The following MARCHF8 variants were observed in gnomAD, a reference collection of about 807,000 sequenced individuals.
The protein encoded by MARCHF8 is membrane associated ring-CH-type finger 8, also known as E3 ubiquitin-protein ligase MARCHF8.
MARCHF8 carries 40 observed loss-of-function variants against 51.6 expected under a neutral mutation model. The ratio of observed to expected loss-of-function variants is 0.77; its 90% CI spans 0.60 to 1.01. The LOEUF (loss-of-function observed/expected upper bound fraction) is 1.01. MARCHF8 is among the 50% of genes least tolerant of loss of function. The probability of loss-of-function intolerance (pLI) is 0.00; values close to 1 mark genes in which losing one functional copy is unlikely to be tolerated. For synonymous variants in MARCHF8, 263 were observed against 280.3 expected (o/e 0.94, Z 0.62); for missense variants, 685 against 708.6 (o/e 0.97, Z 0.38).
chr10:45,562,150 G>A (rs1049662541), intron 1 of MARCHF8, among the ~76,000 whole-genome samples: 6 of 152,168 alleles, frequency 3.9e-5, no homozygotes, highest in Middle Eastern at 3.4e-3. Context: ...GGGACATAAA[G>A]AATAGACTGA....
chr10:45,526,913 A>G (rs1308485577), intron 2 of MARCHF8, among the ~76,000 whole-genome samples: 1 of 152,198 alleles, frequency 6.6e-6, no homozygotes, highest in East Asian at 1.9e-4. Context: ...AACTGAAATC[A>G]TTTCAAGTTG....
rs60776762 is a variant in MARCHF8 at position 45,542,345 on chromosome 10, CAAAAAAAAAAA to C, written c.-78-9067_-78-9057del. 4.7e-3 allele frequency among the ~76,000 whole-genome samples: 231 copies of C among 48,992 alleles called. 3 individuals carry two copies. The highest frequency in any genetic ancestry group is 0.014 in the African/African-American group (190 of 13,868). 32.1% of individuals were successfully genotyped at this position (48,992 alleles called of 152,430 possible). ...CTGGTGACAGAGCAGGACTTCGTCT[CAAAAAAAAAAA>C]AAAAAAAAAAAAAAAGACTTGATTG... On this transcript the variant is annotated intron_variant, in intron 1 of 6. Coordinates refer to the MARCHF8 transcript ENST00000319836.
At chr10:45,465,319 G>A (rs886566997) in intron 3 of MARCHF8, among the ~76,000 whole-genome samples, 14 of 152,184 alleles carry the variant, frequency 9.2e-5, no homozygotes, top group African/African-American at 3.1e-4. Context: ...ACAGTGCCAC[G>A]AGTCTGTTAT....
At chr10:45,568,487 G>A (rs972632293) in intron 1 of MARCHF8, among the ~76,000 whole-genome samples, 13 of 152,184 alleles carry the variant, frequency 8.5e-5, no homozygotes, top group East Asian at 3.9e-4. Context: ...TTGGGAGGCC[G>A]AGACGGGCAG....
chr10:45,468,877 G>GT (rs1843061050), intron 3 of MARCHF8, among the ~76,000 whole-genome samples: 1 of 152,122 alleles, frequency 6.6e-6, no homozygotes, highest in Non-Finnish European at 1.5e-5. Flanking sequence ...TACATTGCTG[G>GT]TGGGAGAGCA....
At chr10:45,511,977 G>C (rs1358700423) in intron 2 of MARCHF8, among the ~76,000 whole-genome samples, 2 of 151,354 alleles carry the variant, frequency 1.3e-5, no homozygotes, top group Admixed American at 6.6e-5. Context: ...GTCTCTGCCC[G>C]GCCGCCATCC....
intron 1 of MARCHF8, among the ~76,000 whole-genome samples, chr10:45,582,542 C>A (rs993575238): frequency 6.6e-6 from 1 of 152,130 alleles, no homozygotes; most frequent in Non-Finnish European, 1.5e-5. Flanking sequence ...CAGAGACCAG[C>A]CAGTTCAAAC....
chr10:45,497,116 G>A (rs892490956), intron 2 of MARCHF8, among the ~76,000 whole-genome samples: 1 of 151,910 alleles, frequency 6.6e-6, no homozygotes, highest in Admixed American at 6.6e-5. Flanking sequence ...TACAGTAAAA[G>A]AAGCAAAAAG....
intron 1 of MARCHF8, among the ~76,000 whole-genome samples, chr10:45,588,788 A>G (rs1416106084): frequency 6.6e-6 from 1 of 152,018 alleles, no homozygotes; most frequent in Non-Finnish European, 1.5e-5. Context: ...CACGAGGTCA[A>G]GAGATCGAGA....
chr10:45,492,276 T>C (rs1206600524), intron 2 of MARCHF8, among the ~76,000 whole-genome samples: 2 of 151,980 alleles, frequency 1.3e-5, no homozygotes, highest in East Asian at 1.9e-4. Flanking sequence ...CACTGCTCTT[T>C]TTCTTCTTCT....
intron 1 of MARCHF8, among the ~76,000 whole-genome samples, chr10:45,544,201 T>C (rs1398675541): frequency 2.0e-5 from 3 of 152,158 alleles, no homozygotes; most frequent in African/African-American, 7.2e-5. Context: ...CTAGAATGGC[T>C]CCAATCAAAA....
At chr10:45,572,054 T>C (rs1312103312) in intron 1 of MARCHF8, among the ~76,000 whole-genome samples, 1 of 152,158 alleles carries the variant, frequency 6.6e-6, no homozygotes, top group East Asian at 1.9e-4. Flanking sequence ...CAGGGACACC[T>C]GCTTTGGCTG....
chr10:45,567,692 T>C (rs1401698101), intron 1 of MARCHF8, among the ~76,000 whole-genome samples: 1 of 152,186 alleles, frequency 6.6e-6, no homozygotes, highest in African/African-American at 2.4e-5. Context: ...TGTATCTCCA[T>C]AGTATAATTT....
At chr10:45,537,017 A>G (rs73287393), upstream of MARCHF8, among the ~76,000 whole-genome samples, 3,742 of 152,226 alleles carry the variant, frequency 0.025, 156 homozygotes, top group African/African-American at 0.084. Context: ...ATGTTGTGAC[A>G]CTGAAACCCT....
At chr10:45,505,115 A>T (rs1055746439) in intron 2 of MARCHF8, among the ~76,000 whole-genome samples, 6 of 152,208 alleles carry the variant, frequency 3.9e-5, no homozygotes, top group African/African-American at 9.6e-5. Flanking sequence ...CTGAATAAGA[A>T]AGAAGGATTG....
chr10:45,490,315 T>C (rs895612117), intron 2 of MARCHF8, among the ~76,000 whole-genome samples: 3 of 152,236 alleles, frequency 2.0e-5, no homozygotes, highest in South Asian at 2.1e-4. Context: ...ATGAGGTCAA[T>C]AGTAGTCCCG....
chr10:45,542,485 C>T (rs1029621104), intron 1 of MARCHF8, among the ~76,000 whole-genome samples: 7 of 151,792 alleles, frequency 4.6e-5, no homozygotes, highest in Non-Finnish European at 7.4e-5. Flanking sequence ...GCAGAAATAG[C>T]GCATTTGAGT....
At chr10:45,480,942 TAC>T (rs1379384901) in intron 3 of MARCHF8, among the ~76,000 whole-genome samples, 1 of 152,182 alleles carries the variant, frequency 6.6e-6, no homozygotes, top group East Asian at 1.9e-4. Context: ...CTGGAAAAGC[TAC>T]AGACACTCAA....
At chr10:45,481,561 A>C (rs765312263) in intron 3 of MARCHF8, among the ~76,000 whole-genome samples, 2 of 152,196 alleles carry the variant, frequency 1.3e-5, no homozygotes, top group African/African-American at 4.8e-5. Context: ...AATAAGTCTC[A>C]TGAGATCTGA....
Sources: allele counts gnomAD v4.1 joint callset (sites outside exome capture counted in the v4.1 genomes callset), GRCh38; gene constraint gnomAD v4.1.1; transcripts MANE v1.5; gene names NCBI Gene and HGNC (gene_info 2026-07-23, HGNC 2026-07-21).